DPP6: variants seen among roughly 807,000 people sequenced by gnomAD.
DPP6 encodes the protein A-type potassium channel modulatory protein DPP6.
DPP6 carries 69 observed loss-of-function variants against 122.6 expected under a neutral mutation model. That is an observed-to-expected ratio of 0.56 (90% CI 0.46 to 0.69). The LOEUF (loss-of-function observed/expected upper bound fraction) is 0.69. Among genes scored for constraint, DPP6 ranks in the 30% least tolerant of loss-of-function variants. The pLI, the probability that DPP6 is intolerant of heterozygous loss-of-function variation, is 0.00. For synonymous variants in DPP6, 418 were observed against 433.1 expected (o/e 0.97, Z 0.43); for missense variants, 928 against 1,116.9 (o/e 0.83, Z 2.41).
intron 3 of DPP6, among the ~76,000 whole-genome samples, chr7:154,515,981 G>A (rs1447876584): frequency 1.3e-5 from 2 of 152,180 alleles, no homozygotes; most frequent in African/African-American, 2.4e-5. Flanking sequence ...TCAGAGCTCA[G>A]TAAATTTTGC....
intron 5 of DPP6, among the ~76,000 whole-genome samples, chr7:154,617,890 G>A (rs955541701): frequency 2.6e-5 from 4 of 152,108 alleles, no homozygotes; most frequent in Non-Finnish European, 4.4e-5. Context: ...GGGAGGCGTC[G>A]TGCTTTTTTT....
At chr7:153,823,516 A>G in the DPP6 span, among the ~76,000 whole-genome samples, 1 of 150,598 alleles carries the variant, frequency 6.6e-6, no homozygotes, top group East Asian at 2.0e-4. Flanking sequence ...CCTGTCCTGA[A>G]GCTACGAGAT....
intron 1 of DPP6, among the ~76,000 whole-genome samples, chr7:154,443,829 T>A (rs983306207): frequency 6.6e-6 from 1 of 152,230 alleles, no homozygotes; most frequent in African/African-American, 2.4e-5. Flanking sequence ...AAAGTATGCA[T>A]GTGGTAACGG....
At chr7:154,063,055 C>T (rs188717755) in intron 1 of DPP6, among the ~76,000 whole-genome samples, 9,236 of 118,042 alleles carry the variant, frequency 0.078, 1,446 homozygotes, top group East Asian at 0.19. Flanking sequence ...GCACCCCCCA[C>T]GAGAGTGGGG....
rs573195315 is a variant in DPP6 at position 154,294,655 on chromosome 7, C to T, written c.244-151559C>T. ...TGACTCCAATCCTGTTGCTAAACAG[C>T]GAGGTCTAGCCCAGAAGGCATGGAG... On this transcript the variant is annotated intron_variant, in intron 1 of 25. Coordinates refer to ENST00000377770, the MANE Select transcript of DPP6 (RefSeq NM_130797.4). Among the ~76,000 whole-genome samples, 14 of 152,246 alleles carry T rather than the reference C, an allele frequency of 9.2e-5. No individual in the cohort carries two copies. The East Asian group carries it at 1.3e-3, about 15-fold the overall frequency.
intron 1 of DPP6, among the ~76,000 whole-genome samples, chr7:154,353,437 C>T (rs879707669): frequency 2.6e-5 from 4 of 151,990 alleles, no homozygotes; most frequent in Admixed American, 6.6e-5. Context: ...AAAGAGTGCA[C>T]GCTGAGTTCA....
At chr7:153,766,206 G>A in the DPP6 span, among the ~76,000 whole-genome samples, 3 of 152,210 alleles carry the variant, frequency 2.0e-5, no homozygotes, top group African/African-American at 7.2e-5. Flanking sequence ...ACTGGGGTTA[G>A]ACATTTTGGT....
chr7:154,306,123 A>G (rs1192926541), intron 1 of DPP6, among the ~76,000 whole-genome samples: 1 of 152,176 alleles, frequency 6.6e-6, no homozygotes, highest in African/African-American at 2.4e-5. Flanking sequence ...GCCGAAGGAT[A>G]GACGGTCGGG....
rs574380625 is a variant in DPP6, at chr7:154,866,934, G to A, written c.1715-1061G>A. Among the ~76,000 whole-genome samples the A allele has an allele frequency of 2.6e-5, 4 of 151,150 alleles. 1 individual carries two copies. The South Asian group carries it at 8.4e-4, about 32-fold the overall frequency. On this transcript the variant is annotated intron_variant, in intron 17 of 25. Coordinates refer to ENST00000377770, the MANE Select transcript of DPP6 (RefSeq NM_130797.4). ...CGTCCAGATTCTCCTAGTTATGGGC[G>A]GTCATTTGACCTCCAGCTGCCCCGG... is the stretch of plus-strand genomic sequence containing the variant.
intron 21 of DPP6, chr7:154,883,781 AC>A (rs2150682871): frequency 6.8e-6 from 1 of 147,732 alleles, no homozygotes; most frequent in East Asian, 2.1e-4. Context: ...ACATGCTCAC[AC>A]AATTACATAC....
chr7:153,951,982 G>A (rs541545007), intron 1 of DPP6, among the ~76,000 whole-genome samples: 2 of 152,218 alleles, frequency 1.3e-5, no homozygotes. Flanking sequence ...AGCGGAGGTT[G>A]CAGTGAGCCG....
At chr7:154,396,244 C>T (rs1387751886) in intron 1 of DPP6, among the ~76,000 whole-genome samples, 3 of 152,162 alleles carry the variant, frequency 2.0e-5, no homozygotes, top group Non-Finnish European at 2.9e-5. Flanking sequence ...TACTGCTATT[C>T]TTTCCATTCT....
chr7:153,823,941 G>A, the DPP6 span, among the ~76,000 whole-genome samples: 10 of 152,078 alleles, frequency 6.6e-5, no homozygotes, highest in Non-Finnish European at 7.4e-5. Flanking sequence ...AATATTTATA[G>A]GCCAGCTAAC....
intron 1 of DPP6, among the ~76,000 whole-genome samples, chr7:154,103,639 A>T (rs1432833032): frequency 6.6e-6 from 1 of 152,262 alleles, no homozygotes; most frequent in Non-Finnish European, 1.5e-5. Context: ...GAGTCAGTGG[A>T]CTGGGAGAGG....
intron 4 of DPP6, among the ~76,000 whole-genome samples, chr7:154,556,286 T>A (rs1163423127): frequency 1.3e-5 from 2 of 152,204 alleles, no homozygotes; most frequent in African/African-American, 4.8e-5. Context: ...TCTCTCATAG[T>A]GAATGGTATA....
chr7:154,278,184 C>T (rs1237800918), intron 1 of DPP6, among the ~76,000 whole-genome samples: 1 of 152,154 alleles, frequency 6.6e-6, no homozygotes, highest in African/African-American at 2.4e-5. Flanking sequence ...TACAACTCCA[C>T]AGTAAGTTGA....
At chr7:154,731,200 G>C (rs750849758) in intron 8 of DPP6, among the ~76,000 whole-genome samples, 11 of 152,148 alleles carry the variant, frequency 7.2e-5, no homozygotes, top group Non-Finnish European at 1.5e-4. Context: ...AAAGTTAGGG[G>C]GTGGGGGGAG....
At chr7:154,338,955 G>A (rs1159195297) in intron 1 of DPP6, among the ~76,000 whole-genome samples, 2 of 152,320 alleles carry the variant, frequency 1.3e-5, no homozygotes, top group Non-Finnish European at 2.9e-5. Flanking sequence ...CTCTACCGAT[G>A]TGCGGGTGCC....
intron 8 of DPP6, among the ~76,000 whole-genome samples, chr7:154,751,642 A>G (rs1022057761): frequency 6.6e-6 from 1 of 151,880 alleles, no homozygotes; most frequent in African/African-American, 2.4e-5. Flanking sequence ...ATGAAACTCA[A>G]AGGGTCATGT....
Sources: allele counts gnomAD v4.1 joint callset (sites outside exome capture counted in the v4.1 genomes callset), GRCh38; gene constraint gnomAD v4.1.1; transcripts MANE v1.5; gene names NCBI Gene and HGNC (gene_info 2026-07-23, HGNC 2026-07-21).